DRC11: variants seen among roughly 807,000 people sequenced by gnomAD.
DRC11 encodes IQ and AAA domain-containing protein 1.
the DRC11 span, among the ~76,000 whole-genome samples, chr2:236,452,801 C>T: frequency 6.6e-6 from 1 of 152,184 alleles, no homozygotes; most frequent in Non-Finnish European, 1.5e-5. This position sits in a 1 kb window ranked among gnomAD's most constrained non-coding sequence, Gnocchi z 4.7. Context: ...CTCGAATTCT[C>T]CTCAGGCTTG....
At chr2:236,463,396 C>T in the DRC11 span, among the ~76,000 whole-genome samples, 21 of 152,226 alleles carry the variant, frequency 1.4e-4, no homozygotes, top group East Asian at 4.1e-3. The surrounding 1 kb of genome is among the most constrained non-coding windows in gnomAD (Gnocchi z 5.0). Context: ...ATTTTAAATA[C>T]CCCTTCATTC....
chr2:236,490,461 C>A, the DRC11 span, among the ~76,000 whole-genome samples: 1 of 152,030 alleles, frequency 6.6e-6, no homozygotes, highest in Admixed American at 6.5e-5. The surrounding 1 kb of genome is among the most constrained non-coding windows in gnomAD (Gnocchi z 5.5). Context: ...AAGATTTCAC[C>A]GCTTCAAATT....
the DRC11 span, among the ~76,000 whole-genome samples, chr2:236,433,301 C>A: frequency 6.6e-6 from 1 of 152,180 alleles, no homozygotes; most frequent in Middle Eastern, 3.4e-3. Context: ...CAATATAATG[C>A]TATTGGTATT....
At chr2:236,505,540 C>T in the DRC11 span, among the ~76,000 whole-genome samples, 1 of 152,086 alleles carries the variant, frequency 6.6e-6, no homozygotes, top group East Asian at 1.9e-4. Flanking sequence ...CTCTTCACTG[C>T]ACCTCCAGAC....
the DRC11 span, among the ~76,000 whole-genome samples, chr2:236,313,980 TTTTGTATCTTGGC>T: frequency 6.6e-6 from 1 of 152,210 alleles, no homozygotes; most frequent in East Asian, 1.9e-4. This position sits in a 1 kb window ranked among gnomAD's most constrained non-coding sequence, Gnocchi z 4.5. Context: ...GGAATTGTTC[TTTTGTATCTTGGC>T]TGTGCTCATG....
chr2:236,334,304 T>A, the DRC11 span, among the ~76,000 whole-genome samples: 1 of 152,072 alleles, frequency 6.6e-6, no homozygotes, highest in Middle Eastern at 3.4e-3. This position sits in a 1 kb window ranked among gnomAD's most constrained non-coding sequence, Gnocchi z 7.8. Context: ...TGGTGTCAGG[T>A]GTGGAGGGAG....
chr2:236,313,838 T>C, the DRC11 span, among the ~76,000 whole-genome samples: 1 of 149,928 alleles, frequency 6.7e-6, no homozygotes, highest in East Asian at 2.0e-4. The surrounding 1 kb of genome is among the most constrained non-coding windows in gnomAD (Gnocchi z 4.5). Context: ...ATTCCATTTA[T>C]AGAACATTTT....
At chr2:236,491,269 T>TATATATATATATATATAC in the DRC11 span, among the ~76,000 whole-genome samples, 1 of 80,010 alleles carries the variant, frequency 1.2e-5, no homozygotes, top group African/African-American at 4.9e-5. Context: ...TATATATATA[T>TATATATATATATATATAC]ATACACACAG....
At chr2:236,384,132 C>T in the DRC11 span, among the ~76,000 whole-genome samples, 1 of 151,130 alleles carries the variant, frequency 6.6e-6, no homozygotes, top group Non-Finnish European at 1.5e-5. Context: ...CATACGTGTG[C>T]ATGTGTCTTT....
At chr2:236,443,131 T>C in the DRC11 span, among the ~76,000 whole-genome samples, 2 of 152,114 alleles carry the variant, frequency 1.3e-5, no homozygotes, top group African/African-American at 4.8e-5. The surrounding 1 kb of genome is among the most constrained non-coding windows in gnomAD (Gnocchi z 4.4). Flanking sequence ...TAATATTATT[T>C]TTTACTGCAT....
chr2:236,367,413 C>CTTAAG, the DRC11 span: 9 of 151,442 alleles, frequency 5.9e-5, no homozygotes, highest in Admixed American at 5.9e-4. This position sits in a 1 kb window ranked among gnomAD's most constrained non-coding sequence, Gnocchi z 4.8. Context: ...GTTCTGAAGT[C>CTTAAG]TTAAGTTCTG....
the DRC11 span, among the ~76,000 whole-genome samples, chr2:236,367,232 T>C: frequency 2.6e-4 from 38 of 148,996 alleles, no homozygotes; most frequent in Non-Finnish European, 4.7e-4. This position sits in a 1 kb window ranked among gnomAD's most constrained non-coding sequence, Gnocchi z 4.8. Flanking sequence ...ACAAATTATG[T>C]TGCCCCTCAA....
At chr2:236,430,724 C>T in the DRC11 span, among the ~76,000 whole-genome samples, 1 of 152,202 alleles carries the variant, frequency 6.6e-6, no homozygotes, top group Non-Finnish European at 1.5e-5. The surrounding 1 kb of genome is among the most constrained non-coding windows in gnomAD (Gnocchi z 6.0). Flanking sequence ...AGTGTATGCA[C>T]ATTTGTAATA....
chr2:236,418,890 T>C, the DRC11 span, among the ~76,000 whole-genome samples: 1 of 152,234 alleles, frequency 6.6e-6, no homozygotes, highest in Admixed American at 6.5e-5. Flanking sequence ...CTATCACGTA[T>C]GTGAAAAAAC....
chr2:236,372,834 A>C, the DRC11 span, among the ~76,000 whole-genome samples: 1 of 152,118 alleles, frequency 6.6e-6, no homozygotes, highest in African/African-American at 2.4e-5. The surrounding 1 kb of genome is among the most constrained non-coding windows in gnomAD (Gnocchi z 4.5). Context: ...CTGATCTCAA[A>C]TACTTGGTCT....
the DRC11 span, among the ~76,000 whole-genome samples, chr2:236,359,397 G>GA: frequency 6.6e-6 from 1 of 152,106 alleles, no homozygotes; most frequent in Non-Finnish European, 1.5e-5. This position sits in a 1 kb window ranked among gnomAD's most constrained non-coding sequence, Gnocchi z 4.3. Context: ...AAACAAATCG[G>GA]AGACTCATTT....
the DRC11 span, among the ~76,000 whole-genome samples, chr2:236,357,057 T>TATATTATATATTCGTATA: frequency 2.3e-5 from 1 of 43,388 alleles, no homozygotes; most frequent in Non-Finnish European, 4.1e-5. Context: ...TATATATCTA[T>TATATTATATATTCGTATA]TTATATATTC....
chr2:236,461,843 GC>G, the DRC11 span, among the ~76,000 whole-genome samples: 5 of 152,268 alleles, frequency 3.3e-5, no homozygotes, highest in South Asian at 8.3e-4. The surrounding 1 kb of genome is among the most constrained non-coding windows in gnomAD (Gnocchi z 4.0). Flanking sequence ...GTGCCAAACT[GC>G]CTGGAGGAGC....
chr2:236,445,280 T>C, the DRC11 span, among the ~76,000 whole-genome samples: 1 of 152,208 alleles, frequency 6.6e-6, no homozygotes, highest in Non-Finnish European at 1.5e-5. The surrounding 1 kb of genome is among the most constrained non-coding windows in gnomAD (Gnocchi z 4.8). Context: ...ATACTAAGAT[T>C]TAATAATATT....
Sources: allele counts gnomAD v4.1 joint callset (sites outside exome capture counted in the v4.1 genomes callset), GRCh38; gene constraint gnomAD v4.1.1; non-coding constraint Gnocchi (gnomAD v3.1); transcripts MANE v1.5; gene names NCBI Gene and HGNC (gene_info 2026-07-23, HGNC 2026-07-21).